Variants in ROBO1 observed in about 807,000 individuals in gnomAD.
ROBO1 encodes the protein roundabout homolog 1.
In ROBO1, 149 loss-of-function variants were observed where a neutral mutation model predicts 195.9. The observed-to-expected ratio is 0.76, with a 90% CI of 0.67 to 0.87. The LOEUF is 0.87. ROBO1 is among the 40% of genes least tolerant of loss of function. The probability of loss-of-function intolerance (pLI) is 0.00; values close to 1 mark genes in which losing one functional copy is unlikely to be tolerated. For synonymous variants in ROBO1, 816 were observed against 733.2 expected, an observed-to-expected ratio of 1.11 and a Z score of -1.82; for missense variants, 1,933 against 2,068.3, an observed-to-expected ratio of 0.93 and a Z score of 1.27.
At chr3:78,750,999 T>G (rs1019347861) in intron 4 of ROBO1, among the ~76,000 whole-genome samples, 1 of 152,216 alleles carries the variant, frequency 6.6e-6, no homozygotes, top group Non-Finnish European at 1.5e-5. Flanking sequence ...TTGTTCTATC[T>G]AATCCATTGT....
At chr3:79,679,405 A>G (rs1946878505) in intron 1 of ROBO1, among the ~76,000 whole-genome samples, 1 of 151,980 alleles carries the variant, frequency 6.6e-6, no homozygotes, top group Non-Finnish European at 1.5e-5. Flanking sequence ...GTATTCTCTT[A>G]CTTAAATACT....
intron 2 of ROBO1, among the ~76,000 whole-genome samples, chr3:79,509,208 C>A (rs963546978): frequency 6.6e-6 from 1 of 151,660 alleles, no homozygotes; most frequent in Non-Finnish European, 1.5e-5. Flanking sequence ...GTGAAAAAAA[C>A]AACATATTCT....
Position 79,333,023 on chromosome 3 carries a change from G to A in ROBO1, c.89-207484C>T, listed in dbSNP as rs189091766. Among the ~76,000 whole-genome samples the A allele has an allele frequency of 5.4e-4, 82 of 152,104 alleles. 1 individual carries two copies. Among genetic ancestry groups the A allele is most frequent in the Admixed American group, 2.4e-3 (37 of 15,272 alleles). ...TCGAGACCAGCCCGACCAATACGGCGAAACCCCGTCTCTGCTGAAAATACA... is the reference window on the plus strand; with the variant it reads ...TCGAGACCAGCCCGACCAATACGGCAAAACCCCGTCTCTGCTGAAAATACA... On this transcript the variant is annotated intron_variant, in intron 2 of 30. Coordinates refer to ENST00000464233, the MANE Select transcript of ROBO1 (RefSeq NM_002941.4).
In ROBO1 at chr3:79,355,834, T is replaced by C. The variant is rs536265872; in HGVS notation, c.89-230295A>G. On this transcript the variant is annotated intron_variant, in intron 2 of 30. Coordinates refer to ENST00000464233, the MANE Select transcript of ROBO1 (RefSeq NM_002941.4). ...CATTAATGGACATTTAGGTTGATTCTGTATCTTGGGTATTGTGAAGAGTGC... is the reference window on the plus strand; with the variant it reads ...CATTAATGGACATTTAGGTTGATTCCGTATCTTGGGTATTGTGAAGAGTGC... 2.6e-5 allele frequency among the ~76,000 whole-genome samples: 4 copies of C among 152,328 alleles called. No homozygotes were observed. In the South Asian group the frequency reaches 8.3e-4, roughly 32 times the overall value.
At chr3:79,613,287 T>C (rs1481739779) in intron 1 of ROBO1, among the ~76,000 whole-genome samples, 1 of 151,990 alleles carries the variant, frequency 6.6e-6, no homozygotes, top group Non-Finnish European at 1.5e-5. Context: ...TACATTTCTA[T>C]ATTATTATGC....
At chr3:78,874,131 GTATTAAAATA>G (rs986445352) in intron 4 of ROBO1, among the ~76,000 whole-genome samples, 7 of 151,764 alleles carry the variant, frequency 4.6e-5, no homozygotes, top group Non-Finnish European at 1.0e-4. Flanking sequence ...ATCAGATTAG[GTATTAAAATA>G]TACTCAATCA....
intron 4 of ROBO1, among the ~76,000 whole-genome samples, chr3:78,770,742 G>A (rs762200016): frequency 6.6e-5 from 10 of 152,042 alleles, no homozygotes; most frequent in East Asian, 1.9e-4. Flanking sequence ...TTTTCCTCTA[G>A]TATTCTTATA....
intron 3 of ROBO1, among the ~76,000 whole-genome samples, chr3:79,038,714 TAAA>T (rs202213711): frequency 7.5e-6 from 1 of 134,122 alleles, no homozygotes. Context: ...AAGTCCAATT[TAAA>T]AAAAAAAAAA....
At chr3:79,613,491 GCTATAAA>G (rs1436232828) in intron 1 of ROBO1, among the ~76,000 whole-genome samples, 10 of 152,044 alleles carry the variant, frequency 6.6e-5, no homozygotes, top group African/African-American at 2.4e-4. Flanking sequence ...AGGGACAAAA[GCTATAAA>G]CTACAGAGAG....
chr3:79,536,392 C>T (rs1168380815), intron 2 of ROBO1, among the ~76,000 whole-genome samples: 1 of 151,636 alleles, frequency 6.6e-6, no homozygotes, highest in African/African-American at 2.4e-5. Context: ...TGAAATGTTT[C>T]TGGAAGAGCA....
intron 2 of ROBO1, among the ~76,000 whole-genome samples, chr3:79,283,952 C>T (rs1230289263): frequency 6.6e-6 from 1 of 152,056 alleles, no homozygotes; most frequent in African/African-American, 2.4e-5. Flanking sequence ...CCGCCTCGGC[C>T]TCCCAAAGTG....
At chr3:79,024,703 A>G (rs1333754009) in intron 3 of ROBO1, among the ~76,000 whole-genome samples, 2 of 152,150 alleles carry the variant, frequency 1.3e-5, no homozygotes, top group African/African-American at 4.8e-5. Context: ...TCTTTAATAA[A>G]CATTGTTCAG....
intron 14 of ROBO1, among the ~76,000 whole-genome samples, chr3:78,664,998 G>A (rs867061403): frequency 6.6e-5 from 10 of 152,112 alleles, no homozygotes; most frequent in Middle Eastern, 3.4e-3. Context: ...TCTTCCATAC[G>A]GCAGTCTCTT....
chr3:78,989,095 A>C (rs1466817082), intron 3 of ROBO1, among the ~76,000 whole-genome samples: 1 of 152,292 alleles, frequency 6.6e-6, no homozygotes, highest in East Asian at 1.9e-4. Context: ...ATACCACTGT[A>C]AAGTAAGTTC....
chr3:79,256,506 A>G (rs2082836927), intron 2 of ROBO1, among the ~76,000 whole-genome samples: 1 of 152,216 alleles, frequency 6.6e-6, no homozygotes, highest in Non-Finnish European at 1.5e-5. Context: ...AAAAATAAGA[A>G]TGTCAATAAC....
intron 3 of ROBO1, among the ~76,000 whole-genome samples, chr3:79,095,320 C>G (rs978790165): frequency 1.2e-4 from 18 of 151,998 alleles, no homozygotes; most frequent in African/African-American, 4.3e-4. Context: ...TTAGAGACTA[C>G]TTGGATTAAA....
intron 1 of ROBO1, among the ~76,000 whole-genome samples, chr3:79,766,557 C>A (rs368225962): frequency 2.1e-4 from 32 of 152,020 alleles, no homozygotes; most frequent in African/African-American, 7.0e-4. Flanking sequence ...GGGCAGAAGC[C>A]GTCTCTGCAG....
intron 2 of ROBO1, among the ~76,000 whole-genome samples, chr3:79,171,675 T>A (rs1312730112): frequency 6.6e-6 from 1 of 152,148 alleles, no homozygotes; most frequent in Non-Finnish European, 1.5e-5. Context: ...CATATATCTT[T>A]AGTTGTACAC....
At chr3:79,115,049 C>A (rs2079966161) in intron 3 of ROBO1, among the ~76,000 whole-genome samples, 1 of 152,144 alleles carries the variant, frequency 6.6e-6, no homozygotes. Flanking sequence ...CCTTTGAAAT[C>A]CATCTTCTAT....
Sources: allele counts gnomAD v4.1 joint callset (sites outside exome capture counted in the v4.1 genomes callset), GRCh38; gene constraint gnomAD v4.1.1; transcripts MANE v1.5; gene names NCBI Gene and HGNC (gene_info 2026-07-23, HGNC 2026-07-21).